Variants in ZDHHC17 observed in about 807,000 individuals in gnomAD.
ZDHHC17 encodes the protein zDHHC palmitoyltransferase 17.
In ZDHHC17, 40 loss-of-function variants were observed where a neutral mutation model predicts 90.3. The observed-to-expected ratio is 0.44, with a 90% CI of 0.34 to 0.58. ZDHHC17 has a LOEUF of 0.58. Ranked by LOEUF, ZDHHC17 falls within the 20% of genes least tolerant of loss-of-function variation. The pLI is 0.01. For synonymous variants in ZDHHC17, 235 were observed against 252.4 expected (o/e 0.93, Z 0.65); for missense variants, 614 against 780.8 (o/e 0.79, Z 2.55).
chr12:76,797,013 T>C lies in ZDHHC17; in HGVS notation c.94-421T>C, dbSNP rs866941473. ...GGCATGGTGGCTTATGCCTGTAATC[T>C]CAGCACTTTGGGAGGCCAAGGCGGG... On this transcript the variant is annotated intron_variant, in intron 1 of 16. Transcript: ENST00000426126. Among the ~76,000 whole-genome samples the C allele has an allele frequency of 3.9e-5, 6 of 152,184 alleles. No homozygotes were observed. The South Asian group carries it at 6.2e-4, about 16-fold the overall frequency.
At chr12:76,815,561 GTTATTC>G (rs899018347) in intron 6 of ZDHHC17, among the ~76,000 whole-genome samples, 2 of 151,770 alleles carry the variant, frequency 1.3e-5, no homozygotes, top group Non-Finnish European at 2.9e-5. Flanking sequence ...TTTAAAAAGT[GTTATTC>G]TTGAATTGTA....
intron 2 of ZDHHC17, among the ~76,000 whole-genome samples, chr12:76,801,122 G>A (rs1388372054): frequency 6.6e-6 from 1 of 150,896 alleles, no homozygotes; most frequent in African/African-American, 2.4e-5. Flanking sequence ...TCCTGACCTC[G>A]TGATCCACCC....
At chr12:76,830,931 G>A (rs2137789896) in intron 10 of ZDHHC17, among the ~76,000 whole-genome samples, 1 of 152,198 alleles carries the variant, frequency 6.6e-6, no homozygotes, top group South Asian at 2.1e-4. Context: ...GTATAAAATA[G>A]CTAAAACTGG....
At chr12:76,774,199 G>A (rs1197485879) in intron 1 of ZDHHC17, among the ~76,000 whole-genome samples, 1 of 152,046 alleles carries the variant, frequency 6.6e-6, no homozygotes, top group Non-Finnish European at 1.5e-5. Context: ...GCAGTGAGCC[G>A]AGATCATGCC....
intron 1 of ZDHHC17, among the ~76,000 whole-genome samples, chr12:76,789,611 GAAT>G (rs1952735661): frequency 1.3e-5 from 2 of 151,732 alleles, no homozygotes; most frequent in Admixed American, 6.6e-5. Context: ...TAAAAGGAAA[GAAT>G]ATTAAGGGTG....
intron 1 of ZDHHC17, among the ~76,000 whole-genome samples, chr12:76,767,404 C>T (rs1952443504): frequency 1.3e-5 from 2 of 152,244 alleles, no homozygotes; most frequent in South Asian, 4.1e-4. Context: ...AAACTGCCCA[C>T]TGTTAAAACC....
Position 76,778,757 on chromosome 12 carries a change from G to T in ZDHHC17, c.93+14428G>T, listed in dbSNP as rs77309387. Among the ~76,000 whole-genome samples, 72 of 152,272 alleles carry T rather than the reference G, an allele frequency of 4.7e-4. 2 individuals are homozygous for T. In the East Asian group the frequency reaches 0.013, roughly 27 times the overall value. ...TGCATATTTGCCATTTGTATGTCTT[G>T]TTTGGTGAAGTGTCTCTTCACGTCT... is the stretch of plus-strand genomic sequence containing the variant. On this transcript the variant is annotated intron_variant, in intron 1 of 16. Transcript: ENST00000426126.
chr12:76,786,914 G>A (rs1952694358), intron 1 of ZDHHC17, among the ~76,000 whole-genome samples: 3 of 152,100 alleles, frequency 2.0e-5, no homozygotes, highest in Non-Finnish European at 4.4e-5. Flanking sequence ...ATTCTCAGTC[G>A]AAGATGGGGT....
chr12:76,773,936 A>G lies in ZDHHC17; in HGVS notation c.93+9607A>G, dbSNP rs147978851. ...TTTTATTCAGTCTATTCTTTTGCTT[A>G]GTATACATTAATAAGGTAAAATATA... is the stretch of plus-strand genomic sequence containing the variant. On this transcript the variant is annotated intron_variant, in intron 1 of 16. Coordinates refer to ENST00000426126, the MANE Select transcript of ZDHHC17 (RefSeq NM_015336.4). 5.9e-5 allele frequency among the ~76,000 whole-genome samples: 9 copies of G among 152,284 alleles called. No homozygotes were observed. In the East Asian group the frequency reaches 1.7e-3, roughly 29 times the overall value.
chr12:76,815,093 G>C, intron 5 of ZDHHC17, 53 bp from the exon 6 acceptor site: 1 of 1,334,474 alleles, frequency 7.5e-7, no homozygotes, highest in South Asian at 1.3e-5. Flanking sequence ...AAGCAAATTT[G>C]GTTAGGAACT....
chr12:76,769,573 C>T (rs1952469810), intron 1 of ZDHHC17, among the ~76,000 whole-genome samples: 2 of 152,062 alleles, frequency 1.3e-5, no homozygotes, highest in African/African-American at 4.8e-5. Flanking sequence ...CTTCTTTATG[C>T]AGTCACTAGG....
intron 1 of ZDHHC17, among the ~76,000 whole-genome samples, chr12:76,775,312 A>G (rs994760520): frequency 6.6e-6 from 1 of 152,170 alleles, no homozygotes; most frequent in African/African-American, 2.4e-5. Context: ...AATCCTAGAG[A>G]TAATAGTGAC....
intron 2 of ZDHHC17, among the ~76,000 whole-genome samples, chr12:76,802,531 TCTC>T (rs1364775138): frequency 3.3e-5 from 5 of 152,288 alleles, no homozygotes; most frequent in African/African-American, 9.6e-5. Context: ...TTTCTCTCTC[TCTC>T]TTTTCCTGGA....
intron 2 of ZDHHC17, among the ~76,000 whole-genome samples, chr12:76,802,271 T>G (rs1952900743): frequency 6.6e-6 from 1 of 152,218 alleles, no homozygotes; most frequent in Admixed American, 6.5e-5. Flanking sequence ...TATGTCAGCC[T>G]GTTACCTTCT....
intron 3 of ZDHHC17, among the ~76,000 whole-genome samples, chr12:76,806,675 C>G (rs901378105): frequency 6.6e-6 from 1 of 151,914 alleles, no homozygotes; most frequent in Non-Finnish European, 1.5e-5. Context: ...GTGCCTGGCC[C>G]GAATTTTTTG....
Position 76,827,048 on chromosome 12 carries a change from A to C in ZDHHC17, c.1038A>C (p.Ser346=). Residue 346 remains serine, a splice_region_variant and synonymous_variant, in exon 9 of 17, where the codon TCA becomes TCC. Transcript: ENST00000426126. ...GGVWATVQFL[S]KSFFDHSMHS... is the part of the protein sequence containing the mutation. ...TTTGGGCTACAGTACAGTTTCTTTC[A>C]AAGTAAGTGTGTTGTTTTTAACTAT... is the stretch of plus-strand genomic sequence containing the variant. The C allele has an allele frequency of 6.4e-7, 1 of 1,552,452 alleles. No individual in the cohort carries two copies. Among genetic ancestry groups the C allele is most frequent in the Non-Finnish European group, 8.6e-7 (1 of 1,160,206 alleles).
At chr12:76,829,679 A>C (rs1953276020) in intron 10 of ZDHHC17, among the ~76,000 whole-genome samples, 1 of 152,106 alleles carries the variant, frequency 6.6e-6, no homozygotes. Flanking sequence ...TAATACCACT[A>C]CTTATTTTGT....
intron 7 of ZDHHC17, among the ~76,000 whole-genome samples, chr12:76,818,039 TTATC>T (rs1347007125): frequency 6.6e-6 from 1 of 152,166 alleles, no homozygotes; most frequent in Non-Finnish European, 1.5e-5. Flanking sequence ...TGTTTTAACT[TTATC>T]TGTCACATGT....
chr12:76,833,439 T>C (rs1045463742), intron 10 of ZDHHC17, among the ~76,000 whole-genome samples: 1 of 152,222 alleles, frequency 6.6e-6, no homozygotes, highest in African/African-American at 2.4e-5. Context: ...TGAATATAAT[T>C]TTAAGTTCAT....
Sources: gnomAD v4.1 joint callset for allele counts (sites outside exome capture counted in the v4.1 genomes callset) on GRCh38, gnomAD v4.1.1 for gene constraint, MANE v1.5 for transcripts, NCBI Gene and HGNC (gene_info 2026-07-23, HGNC 2026-07-21) for gene names.